The following PRKG1 variants were observed in gnomAD, a reference collection of about 807,000 sequenced individuals.
PRKG1 encodes the protein cGMP-dependent protein kinase 1.
In PRKG1, 35 loss-of-function variants were observed where a neutral mutation model predicts 88.1. That is an observed-to-expected ratio of 0.40 (90% CI 0.30 to 0.53). The LOEUF is 0.53. PRKG1 is among the 20% of genes least tolerant of loss of function. The pLI is 0.59. For missense variants in PRKG1, 540 were observed against 839.8 expected (o/e 0.64, Z 4.41); for synonymous variants, 303 against 292.5 (o/e 1.04, Z -0.37).
chr10:51,952,549 G>A (rs1344418250), intron 5 of PRKG1, among the ~76,000 whole-genome samples: 1 of 152,114 alleles, frequency 6.6e-6, no homozygotes, highest in Non-Finnish European at 1.5e-5. Context: ...ATTTAGATTA[G>A]ATATAGTTAA....
chr10:51,481,620 T>C (rs1840363557), intron 3 of PRKG1, among the ~76,000 whole-genome samples: 1 of 152,218 alleles, frequency 6.6e-6, no homozygotes, highest in African/African-American at 2.4e-5. Flanking sequence ...TTTGGATTTA[T>C]TTGAAATTTT....
intron 5 of PRKG1, among the ~76,000 whole-genome samples, chr10:51,975,108 C>T (rs963641983): frequency 1.3e-5 from 2 of 151,976 alleles, no homozygotes; most frequent in Admixed American, 6.6e-5. Flanking sequence ...ATGCTGAGTG[C>T]ATTAAATGTG....
intron 8 of PRKG1, among the ~76,000 whole-genome samples, chr10:52,151,228 C>T (rs1259573652): frequency 1.3e-5 from 2 of 152,002 alleles, no homozygotes; most frequent in African/African-American, 4.8e-5. Context: ...TGCTGCTCAC[C>T]CTCCTCTCAC....
At position 51,539,417 on chromosome 10, in the gene PRKG1, T is replaced by C. The variant is rs561050672; in HGVS notation, c.592+71581T>C. Among the ~76,000 whole-genome samples the C allele has an allele frequency of 4.6e-5, 7 of 152,286 alleles. No homozygotes were observed. The South Asian group carries it at 1.4e-3, about 32-fold the overall frequency. ...GATATGTAAGTTATCCCTATATTCT[T>C]AAAACAATGTACAAAGATTGGGCAT... On this transcript the variant is annotated intron_variant, in intron 3 of 17. Coordinates refer to ENST00000373980, the MANE Select transcript of PRKG1 (RefSeq NM_006258.4).
intron 2 of PRKG1, among the ~76,000 whole-genome samples, chr10:51,284,501 A>G (rs1165875606): frequency 6.6e-6 from 1 of 152,240 alleles, no homozygotes; most frequent in Admixed American, 6.5e-5. Flanking sequence ...TGTTTTGCAA[A>G]TGTATTTCAA....
intron 2 of PRKG1, among the ~76,000 whole-genome samples, chr10:51,309,095 T>C (rs565104433): frequency 2.1e-4 from 32 of 152,314 alleles, no homozygotes; most frequent in African/African-American, 7.5e-4. Flanking sequence ...CAGGGCTTCT[T>C]CTGGCAGGTA....
chr10:52,278,762 G>T (rs891892689), intron 12 of PRKG1, among the ~76,000 whole-genome samples: 1 of 151,926 alleles, frequency 6.6e-6, no homozygotes, highest in Non-Finnish European at 1.5e-5. Flanking sequence ...AATTACATGG[G>T]CATGGTGGTG....
chr10:51,091,356 C>T (rs536053593), intron 1 of PRKG1, among the ~76,000 whole-genome samples: 1 of 152,270 alleles, frequency 6.6e-6, no homozygotes, highest in East Asian at 1.9e-4. Flanking sequence ...CCCTAAATTT[C>T]CTGGAACCCA....
intron 2 of PRKG1, among the ~76,000 whole-genome samples, chr10:51,289,473 G>A (rs965235418): frequency 1.3e-5 from 2 of 152,116 alleles, no homozygotes; most frequent in Admixed American, 1.3e-4. Flanking sequence ...GTCTGTGGCT[G>A]AATAGAAGCT....
rs141480292 is a variant in PRKG1, at chr10:51,901,844, A to C, written c.699-5663A>C. Among the ~76,000 whole-genome samples, 1,208 of 152,232 alleles carry C rather than the reference A, an allele frequency of 7.9e-3. 17 individuals carry two copies. The highest frequency in any genetic ancestry group is 0.025 in the African/African-American group (1,047 of 41,564). ...TTCATCCTATTTGTATTTCTTATTT[A>C]CAGTGTTTCCAAGTTTCTTTGGATT... On this transcript the variant is annotated intron_variant, in intron 4 of 17. Coordinates refer to ENST00000373980, the MANE Select transcript of PRKG1 (RefSeq NM_006258.4).
intron 9 of PRKG1, among the ~76,000 whole-genome samples, chr10:52,228,479 C>T (rs1290250808): frequency 6.6e-6 from 1 of 152,070 alleles, no homozygotes. Flanking sequence ...ACTGGGTAAA[C>T]TGATGAAATT....
intron 4 of PRKG1, among the ~76,000 whole-genome samples, chr10:51,907,063 G>C (rs958146932): frequency 6.6e-6 from 1 of 152,076 alleles, no homozygotes; most frequent in Non-Finnish European, 1.5e-5. Flanking sequence ...AAGGCAGGAG[G>C]GTATAATGAG....
intron 3 of PRKG1, chr10:51,695,404 G>GGTAA (rs1450647080): frequency 2.6e-5 from 4 of 151,962 alleles, no homozygotes; most frequent in African/African-American, 9.7e-5. Context: ...AAAAACAAAA[G>GGTAA]GTAATCAGGC....
chr10:52,212,668 C>A (rs574206131), intron 9 of PRKG1, among the ~76,000 whole-genome samples: 1 of 151,648 alleles, frequency 6.6e-6, no homozygotes, highest in Admixed American at 6.6e-5. Context: ...AGTTACAAGG[C>A]AGAATTATCT....
At chr10:51,647,430 T>G (rs1055058314) in intron 3 of PRKG1, among the ~76,000 whole-genome samples, 2 of 152,182 alleles carry the variant, frequency 1.3e-5, no homozygotes, top group African/African-American at 4.8e-5. Context: ...CATTGTTATT[T>G]TAGTAGGAGG....
At chr10:51,451,883 G>A (rs977165104) in intron 2 of PRKG1, among the ~76,000 whole-genome samples, 1 of 151,908 alleles carries the variant, frequency 6.6e-6, no homozygotes, top group African/African-American at 2.4e-5. Flanking sequence ...TGTTATAATT[G>A]TCCAAAAGTG....
At position 51,130,053 on chromosome 10, in the gene PRKG1, T is replaced by C. The variant is rs146029569; in HGVS notation, c.312-23111T>C. ...TGAACTTTATACTAATAGTTTTGCA[T>C]GGATAGGCTGACATACAGGAAACGA... On this transcript the variant is annotated intron_variant, in intron 1 of 17. Transcript: ENST00000373980. Among the ~76,000 whole-genome samples, 317 of 152,280 alleles carry C rather than the reference T, an allele frequency of 2.1e-3. 2 individuals are homozygous for C. The highest frequency in any genetic ancestry group is 7.4e-3 in the African/African-American group (307 of 41,570).
chr10:51,956,350 A>T (rs1460519037), intron 5 of PRKG1, among the ~76,000 whole-genome samples: 1 of 151,660 alleles, frequency 6.6e-6, no homozygotes, highest in African/African-American at 2.4e-5. Flanking sequence ...TGTATTAATT[A>T]TATATTAATA....
intron 7 of PRKG1, among the ~76,000 whole-genome samples, chr10:52,127,303 G>T (rs1283277628): frequency 6.6e-6 from 1 of 152,160 alleles, no homozygotes. Context: ...AGGAGAAAAT[G>T]AGTTAGGTTT....
Sources: gnomAD v4.1 joint callset for allele counts (sites outside exome capture counted in the v4.1 genomes callset) on GRCh38, gnomAD v4.1.1 for gene constraint, MANE v1.5 for transcripts, NCBI Gene and HGNC (gene_info 2026-07-23, HGNC 2026-07-21) for gene names.